The following MICAL2 variants were observed in gnomAD, a reference collection of about 807,000 sequenced individuals.
MICAL2 encodes the protein [F-actin]-monooxygenase MICAL2.
In MICAL2, 77 loss-of-function variants were observed where a neutral mutation model predicts 127.3. The ratio of observed to expected loss-of-function variants is 0.60; its 90% CI spans 0.50 to 0.73. The LOEUF is 0.73. MICAL2 is among the 30% of genes least tolerant of loss of function. The pLI is 0.00. For missense variants in MICAL2, 1,351 were observed against 1,434.4 expected (o/e 0.94, Z 0.94); for synonymous variants, 570 against 551.1 (o/e 1.03, Z -0.48).
intron 1 of MICAL2, among the ~76,000 whole-genome samples, chr11:12,135,535 C>A (rs1241992902): frequency 1.3e-5 from 2 of 152,192 alleles, no homozygotes; most frequent in East Asian, 1.9e-4. Context: ...ATAGGATTAT[C>A]TCATTTAATC....
intron 1 of MICAL2, among the ~76,000 whole-genome samples, chr11:12,111,992 C>T (rs1245379481): frequency 6.6e-6 from 1 of 152,236 alleles, no homozygotes; most frequent in Non-Finnish European, 1.5e-5. Context: ...TACTGGGCAA[C>T]AGGTCCTGTC....
At chr11:12,208,626 T>G (rs1217463014) in intron 5 of MICAL2, among the ~76,000 whole-genome samples, 1 of 152,268 alleles carries the variant, frequency 6.6e-6, no homozygotes, top group Non-Finnish European at 1.5e-5. Context: ...AGGTATCATT[T>G]ATAAACTATG....
chr11:12,226,701 G>A (rs1441414655), intron 14 of MICAL2, among the ~76,000 whole-genome samples: 3 of 146,170 alleles, frequency 2.1e-5, no homozygotes, highest in Non-Finnish European at 4.5e-5. Context: ...CGCCGAGGCT[G>A]GAGTGCAGTG....
intron 3 of MICAL2, among the ~76,000 whole-genome samples, chr11:12,166,157 A>ATCTT (rs1252885634): frequency 3.9e-5 from 6 of 152,332 alleles, no homozygotes; most frequent in East Asian, 3.9e-4. Context: ...GACTCTGGTT[A>ATCTT]TCTTTATATA....
rs564755857 is a variant in MICAL2, at chr11:12,172,183, A to T, written c.264+9764A>T. 1.6e-4 allele frequency among the ~76,000 whole-genome samples: 24 copies of T among 152,286 alleles called. No individual in the cohort carries two copies. The South Asian group carries it at 5.0e-3, about 32-fold the overall frequency. ...AGATGGGGTTGCTCTAGCTACATACATCTCTTTATCACGCAGGCAAAAGTG... is the reference window on the plus strand; with the variant it reads ...AGATGGGGTTGCTCTAGCTACATACTTCTCTTTATCACGCAGGCAAAAGTG... On this transcript the variant is annotated intron_variant, in intron 3 of 27. Coordinates refer to ENST00000683283, the MANE Select transcript of MICAL2 (RefSeq NM_001282663.2).
intron 2 of MICAL2, among the ~76,000 whole-genome samples, chr11:12,140,494 G>A (rs1187922003): frequency 1.4e-5 from 2 of 147,434 alleles, no homozygotes; most frequent in Non-Finnish European, 3.0e-5. Flanking sequence ...AGTGAACTTT[G>A]GCTCTTTTTT....
downstream of MICAL2, among the ~76,000 whole-genome samples, chr11:12,289,218 C>T (rs550495315): frequency 6.6e-6 from 1 of 152,356 alleles, no homozygotes; most frequent in South Asian, 2.1e-4. Context: ...CGCTGGTGTG[C>T]GCATCAGCCT....
chr11:12,253,444 T>G (rs1861845523), intron 22 of MICAL2: 1 of 152,132 alleles, frequency 6.6e-6, no homozygotes, highest in East Asian at 1.9e-4. Context: ...GGGAGGGACC[T>G]GGGAGCTTCA....
chr11:12,339,196 C>T (rs915183702), intron 32 of MICAL2, among the ~76,000 whole-genome samples: 2 of 152,156 alleles, frequency 1.3e-5, no homozygotes, highest in Non-Finnish European at 2.9e-5. Context: ...TCATTTCATT[C>T]ATTTCATCTT....
downstream of MICAL2, among the ~76,000 whole-genome samples, chr11:12,289,060 T>C (rs1863861487): frequency 1.3e-5 from 2 of 152,150 alleles, no homozygotes; most frequent in African/African-American, 4.8e-5. Flanking sequence ...CCGGAGGGGA[T>C]ATGTGGCTGC....
At chr11:12,361,484 G>A, downstream of MICAL2, among the ~76,000 whole-genome samples, 2 of 152,120 alleles carry the variant, frequency 1.3e-5, 1 homozygote, top group South Asian at 4.2e-4. Context: ...TTTATCTCAA[G>A]CATAAAGAAT....
At chr11:12,209,679 G>A in intron 6 of MICAL2, 81 bp downstream of exon 6, 1 of 1,264,132 alleles carries the variant, frequency 7.9e-7, no homozygotes, top group South Asian at 1.2e-5. Flanking sequence ...GAGAAAGTGG[G>A]CAAGATGCAG....
chr11:12,309,585 G>A (rs1864149117), intron 29 of MICAL2, among the ~76,000 whole-genome samples: 1 of 151,968 alleles, frequency 6.6e-6, no homozygotes, highest in South Asian at 2.1e-4. Flanking sequence ...ATCTGTTTAT[G>A]GACACTTAGG....
At chr11:12,176,937 A>G (rs1401761110) in intron 3 of MICAL2, among the ~76,000 whole-genome samples, 1 of 152,220 alleles carries the variant, frequency 6.6e-6, no homozygotes, top group Non-Finnish European at 1.5e-5. Context: ...CTATGGATAT[A>G]CGTATCTATT....
At chr11:12,199,415 A>G (rs115297377) in intron 3 of MICAL2, among the ~76,000 whole-genome samples, 1,924 of 152,154 alleles carry the variant, frequency 0.013, 55 homozygotes, top group African/African-American at 0.045. Context: ...TCTGCACTCG[A>G]CCTCGCTGCA....
chr11:12,133,302 G>A (rs1220526242), intron 1 of MICAL2, among the ~76,000 whole-genome samples: 1 of 152,066 alleles, frequency 6.6e-6, no homozygotes, highest in African/African-American at 2.4e-5. Context: ...GGCTGGTCTT[G>A]AACTCCTGAC....
intron 18 of MICAL2, 100 bp from the exon 19 acceptor site, chr11:12,242,114 G>A: frequency 1.0e-6 from 1 of 989,756 alleles, no homozygotes; most frequent in Non-Finnish European, 1.4e-6. Context: ...GTTGCACCTG[G>A]TGCACCCTTT....
intron 3 of MICAL2, among the ~76,000 whole-genome samples, chr11:12,184,819 C>T (rs1004648190): frequency 6.6e-6 from 1 of 151,806 alleles, no homozygotes; most frequent in African/African-American, 2.4e-5. Flanking sequence ...TATCCCACCA[C>T]ACAGATTGCT....
In MICAL2 at chr11:12,260,492, G is replaced by A. The variant is rs966209221; in HGVS notation, c.3334+595G>A. 5.5e-6 allele frequency: 6 copies of A among 1,082,832 alleles called. No homozygotes were observed. In the Admixed American group the frequency reaches 2.0e-4, roughly 36 times the overall value. The allele number at this position is 1,082,832 out of a possible 1,614,324, so 67.1% of individuals were successfully genotyped here. A position where few individuals can be genotyped will look rare whatever the true frequency, so the allele number is the denominator to read the frequency against. On this transcript the variant is annotated intron_variant, in intron 26 of 27. Transcript: ENST00000683283. ...TATGAGTGTCAATTTTTCTAAACATGGGTTTGAAGCTTATAACCAGTTTTA... is the reference window on the plus strand; with the variant it reads ...TATGAGTGTCAATTTTTCTAAACATAGGTTTGAAGCTTATAACCAGTTTTA...
Sources: gnomAD v4.1 joint callset for allele counts (sites outside exome capture counted in the v4.1 genomes callset) on GRCh38, gnomAD v4.1.1 for gene constraint, MANE v1.5 for transcripts, NCBI Gene and HGNC (gene_info 2026-07-23, HGNC 2026-07-21) for gene names.